MYO18B: variants seen among roughly 807,000 people sequenced by gnomAD.
The protein encoded by MYO18B is myosin XVIIIB, also known as unconventional myosin-XVIIIb.
Under a neutral mutation model 273.0 loss-of-function variants are expected in MYO18B, and 204 were observed. That is an observed-to-expected ratio of 0.75 (90% CI 0.67 to 0.84). The LOEUF is 0.84. MYO18B is among the 40% of genes least tolerant of loss of function. The pLI is 0.00. For synonymous variants in MYO18B, 1,330 were observed against 1,305.7 expected (o/e 1.02, Z -0.40); for missense variants, 3,212 against 3,287.6 (o/e 0.98, Z 0.56).
rs768850122 is a variant in MYO18B, at chr22:25,768,354, G to A, written c.438G>A (p.Arg146=). The change falls in exon 4 of 44, where the codon AGG becomes AGA. Residue 146 remains arginine, a synonymous_variant. Coordinates refer to ENST00000335473, the MANE Select transcript of MYO18B (RefSeq NM_032608.7). ...TPTKKTVPFK[R]GVRRGDVLLM... ...CCAAAAAGACTGTCCCCTTCAAGAG[G>A]GGCGTGAGGAGGGGTGATGTGTTGT... 1.3e-5 allele frequency: 21 copies of A among 1,613,708 alleles called. No homozygotes were observed. The highest frequency in any genetic ancestry group is 1.6e-5 in the Non-Finnish European group (19 of 1,179,834).
In MYO18B at chr22:25,860,887, A is replaced by T. The variant is rs962854651; in HGVS notation, c.3886-7433A>T. 3.5e-3 allele frequency among the ~76,000 whole-genome samples: 499 copies of T among 142,842 alleles called. 2 individuals are homozygous for T. Among genetic ancestry groups the T allele is most frequent in the African/African-American group, 0.012 (473 of 39,274 alleles). 93.7% of individuals were successfully genotyped at this position (142,842 alleles called of 152,430 possible). On this transcript the variant is annotated intron_variant, in intron 21 of 43. Coordinates refer to ENST00000335473, the MANE Select transcript of MYO18B (RefSeq NM_032608.7). ...TGTTCAAGTCTTATATATCATTGCT[A>T]TTTTTTTTTTTTTTGAGACAGGGCA...
intron 15 of MYO18B, among the ~76,000 whole-genome samples, chr22:25,831,285 A>G (rs968176713): frequency 6.6e-6 from 1 of 152,174 alleles, no homozygotes. Context: ...TCCCTCTCCT[A>G]TAGACATCAG....
Position 25,814,071 on chromosome 22 carries a change from A to G in MYO18B, c.2522-9434A>G, listed in dbSNP as rs950248225. ...TATTTTTTAAAAATACATGCTCAGA[A>G]GTGGCGATGCTGGAAGACGGAGCTC... On this transcript the variant is annotated intron_variant, in intron 12 of 43. Coordinates refer to ENST00000335473, the MANE Select transcript of MYO18B (RefSeq NM_032608.7). Among the ~76,000 whole-genome samples, 5 of 152,162 alleles carry G rather than the reference A, an allele frequency of 3.3e-5. No homozygotes were observed. The East Asian group carries it at 5.8e-4, about 18-fold the overall frequency.
intron 34 of MYO18B, among the ~76,000 whole-genome samples, chr22:25,934,845 A>G (rs1027909062): frequency 2.6e-5 from 4 of 152,110 alleles, no homozygotes; most frequent in Admixed American, 2.6e-4. Context: ...TCCCAGCTTG[A>G]ATTTTCTGTC....
At chr22:25,849,590 T>G (rs1017351051) in intron 20 of MYO18B, among the ~76,000 whole-genome samples, 2 of 152,210 alleles carry the variant, frequency 1.3e-5, no homozygotes, top group Non-Finnish European at 2.9e-5. Context: ...TCATTTTTGC[T>G]GTGCTAAAGG....
At chr22:25,842,343 T>C (rs2090108336) in intron 17 of MYO18B, among the ~76,000 whole-genome samples, 1 of 152,012 alleles carries the variant, frequency 6.6e-6, no homozygotes, top group Admixed American at 6.5e-5. Flanking sequence ...TCCGAATAGA[T>C]CCAAGAGTCA....
Position 26,020,375 on chromosome 22 carries a change from C to T in MYO18B, c.6471-6070C>T, listed in dbSNP as rs549075126. On this transcript the variant is annotated intron_variant, in intron 42 of 43. Coordinates refer to ENST00000335473, the MANE Select transcript of MYO18B (RefSeq NM_032608.7). ...CAAGCAGGAGACACTGTCTCAGACA[C>T]TAGCTCGTTCTGAGGCTGAACCAAC... Among the ~76,000 whole-genome samples the T allele has an allele frequency of 3.3e-5, 5 of 152,188 alleles. No individual in the cohort carries two copies. In the South Asian group the frequency reaches 1.0e-3, roughly 32 times the overall value.
chr22:25,763,571 CA>C (rs2086404499), intron 3 of MYO18B, among the ~76,000 whole-genome samples, 182 bp downstream of exon 3: 1 of 152,212 alleles, frequency 6.6e-6, no homozygotes, highest in African/African-American at 2.4e-5. Flanking sequence ...GCTCAAACAG[CA>C]CATCTCTGGA....
At chr22:25,935,313 A>C (rs1366059306) in intron 34 of MYO18B, among the ~76,000 whole-genome samples, 1 of 152,196 alleles carries the variant, frequency 6.6e-6, no homozygotes, top group African/African-American at 2.4e-5. Context: ...CCTAGTGGGC[A>C]GTTGAGTTGG....
At chr22:25,842,812 C>T (rs1250373976) in intron 17 of MYO18B, among the ~76,000 whole-genome samples, 1 of 152,002 alleles carries the variant, frequency 6.6e-6, no homozygotes, top group Non-Finnish European at 1.5e-5. Context: ...ATTAATTAAT[C>T]CATGCATTCA....
intron 32 of MYO18B, among the ~76,000 whole-genome samples, chr22:25,910,490 G>C (rs1302601358): frequency 6.6e-6 from 1 of 152,040 alleles, no homozygotes; most frequent in Non-Finnish European, 1.5e-5. Context: ...ATTGTGGAGG[G>C]ACACATATAG....
chr22:25,949,517 A>G (rs1455934146), intron 36 of MYO18B, among the ~76,000 whole-genome samples: 1 of 152,220 alleles, frequency 6.6e-6, no homozygotes, highest in African/African-American at 2.4e-5. Flanking sequence ...GCAATACACC[A>G]TCCAGAGGAG....
intron 7 of MYO18B, among the ~76,000 whole-genome samples, chr22:25,773,184 C>G (rs565982350): frequency 1.1e-4 from 17 of 152,314 alleles, no homozygotes; most frequent in African/African-American, 4.1e-4. Context: ...CCCCTTCATT[C>G]CTTCAACCCA....
rs538000315 is a variant in MYO18B, at chr22:25,948,815, C to T, written c.5748+987C>T. Among the ~76,000 whole-genome samples, 29 of 151,958 alleles carry T rather than the reference C, an allele frequency of 1.9e-4. 1 individual carries two copies. The highest frequency in any genetic ancestry group is 8.5e-4 in the Admixed American group (13 of 15,248). On this transcript the variant is annotated intron_variant, in intron 36 of 43. Transcript: ENST00000335473. ...GCCAAGAGTCCAGAAAGGAAGTGTA[C>T]ACAATTCTGCAAATCCTGACCTAGG...
intron 39 of MYO18B, among the ~76,000 whole-genome samples, chr22:25,968,671 G>T: frequency 6.6e-6 from 1 of 152,154 alleles, no homozygotes; most frequent in East Asian, 1.9e-4. Flanking sequence ...AAAGGGAGTG[G>T]CTCACACAGT....
chr22:25,818,098 G>GTCTCCTAA (rs2089116175), intron 12 of MYO18B, among the ~76,000 whole-genome samples: 1 of 152,324 alleles, frequency 6.6e-6, no homozygotes, highest in African/African-American at 2.4e-5. Context: ...GGATTTCCTT[G>GTCTCCTAA]TCTCCTAATC....
At chr22:25,885,258 G>T (rs901463875) in intron 25 of MYO18B, among the ~76,000 whole-genome samples, 3 of 152,194 alleles carry the variant, frequency 2.0e-5, no homozygotes, top group Non-Finnish European at 4.4e-5. Context: ...ATGAGGCAAG[G>T]GAAGCCCAGA....
intron 2 of MYO18B, among the ~76,000 whole-genome samples, chr22:25,761,728 A>G (rs2086326068): frequency 6.6e-6 from 1 of 151,886 alleles, no homozygotes; most frequent in Non-Finnish European, 1.5e-5. Flanking sequence ...AGGGTGAGAA[A>G]CTTCTTTCTG....
At chr22:25,892,155 C>T (rs2091678377) in intron 27 of MYO18B, 1 of 152,158 alleles carries the variant, frequency 6.6e-6, no homozygotes, top group African/African-American at 2.4e-5. Flanking sequence ...TGGAGATTGT[C>T]TTGGATAATT....
Sources: gnomAD v4.1 joint callset for allele counts (sites outside exome capture counted in the v4.1 genomes callset) on GRCh38, gnomAD v4.1.1 for gene constraint, MANE v1.5 for transcripts, NCBI Gene and HGNC (gene_info 2026-07-23, HGNC 2026-07-21) for gene names.